Variants in ME3 observed in about 807,000 individuals in gnomAD.
The protein encoded by ME3 is malic enzyme 3.
A neutral mutation model predicts 68.9 loss-of-function variants in ME3; 48 were observed. The observed-to-expected ratio is 0.70, with a 90% CI of 0.55 to 0.89. ME3 has a LOEUF of 0.89. Among genes scored for constraint, ME3 ranks in the 40% least tolerant of loss-of-function variants. ME3 has a pLI of 0.00. For synonymous variants in ME3, 320 were observed against 318.8 expected, an observed-to-expected ratio of 1.00 and a Z score of -0.04; for missense variants, 675 against 797.4, an observed-to-expected ratio of 0.85 and a Z score of 1.85.
intron 2 of ME3, among the ~76,000 whole-genome samples, chr11:86,562,801 T>C (rs76602145): frequency 5.0e-3 from 767 of 151,990 alleles, no homozygotes; most frequent in Admixed American, 0.01. Flanking sequence ...GATATGTATG[T>C]TTTCAACCTC....
intron 8 of ME3, among the ~76,000 whole-genome samples, chr11:86,459,822 A>T (rs1950141606): frequency 6.6e-6 from 1 of 152,222 alleles, no homozygotes; most frequent in Admixed American, 6.5e-5. Context: ...AGGAGCCTTT[A>T]TGGGCGTCTG....
At chr11:86,473,895 G>A (rs527411394) in intron 7 of ME3, among the ~76,000 whole-genome samples, 1 of 152,298 alleles carries the variant, frequency 6.6e-6, no homozygotes, top group African/African-American at 2.4e-5. Context: ...TGTGGACAAG[G>A]ACTTAAGCAG....
chr11:86,529,537 T>A (rs1048403094), intron 4 of ME3, among the ~76,000 whole-genome samples: 1 of 152,146 alleles, frequency 6.6e-6, no homozygotes, highest in East Asian at 1.9e-4. Flanking sequence ...TACCAAAGCC[T>A]GGCAGAGACA....
intron 2 of ME3, among the ~76,000 whole-genome samples, chr11:86,632,076 A>C (rs890175714): frequency 2.6e-5 from 4 of 152,230 alleles, no homozygotes; most frequent in Non-Finnish European, 5.9e-5. Flanking sequence ...ACAGATGAAG[A>C]AACTGAGGCT....
At chr11:86,509,983 A>AT (rs1953396751) in intron 4 of ME3, among the ~76,000 whole-genome samples, 1 of 152,180 alleles carries the variant, frequency 6.6e-6, no homozygotes, top group South Asian at 2.1e-4. Context: ...TATGTAAGAA[A>AT]TTTTCCATAA....
At chr11:86,496,142 A>G (rs1001710627) in intron 6 of ME3, among the ~76,000 whole-genome samples, 2 of 152,122 alleles carry the variant, frequency 1.3e-5, no homozygotes, top group Non-Finnish European at 2.9e-5. Flanking sequence ...GCAGTGGCTC[A>G]AGTCTGCAAT....
chr11:86,545,927 C>G lies in ME3; in HGVS notation c.467+10626G>C, dbSNP rs974471788. On this transcript the variant is annotated intron_variant, in intron 4 of 14. Coordinates refer to ENST00000543262, the Ensembl canonical transcript of ME3. ...GACTTCAAATTATACTACAAGGCTT[C>G]AGTAACCAAAATAGCATGGTACTGG... is the stretch of plus-strand genomic sequence containing the variant. Among the ~76,000 whole-genome samples the G allele has an allele frequency of 9.8e-5, 15 of 152,310 alleles. 1 individual carries two copies. Among genetic ancestry groups the G allele is most frequent in the Admixed American group, 5.2e-4 (8 of 15,302 alleles).
At chr11:86,453,112 G>A (rs374264813) in intron 8 of ME3, among the ~76,000 whole-genome samples, 6 of 151,922 alleles carry the variant, frequency 3.9e-5, no homozygotes, top group East Asian at 3.9e-4. Flanking sequence ...AATTCTCCTG[G>A]CTCAGCCTCC....
intron 2 of ME3, among the ~76,000 whole-genome samples, chr11:86,569,704 C>A (rs1163339694): frequency 6.6e-6 from 1 of 152,160 alleles, no homozygotes; most frequent in African/African-American, 2.4e-5. Context: ...TTACACTCAT[C>A]GTGTCCTCTC....
intron 4 of ME3, among the ~76,000 whole-genome samples, chr11:86,546,681 G>T (rs1015124602): frequency 2.6e-5 from 4 of 152,182 alleles, no homozygotes; most frequent in African/African-American, 9.7e-5. Flanking sequence ...TGCTGGAGAG[G>T]ATATGGAGAA....
At chr11:86,465,018 C>T in intron 8 of ME3, 73 bp downstream of exon 8, 2 of 1,243,230 alleles carry the variant, frequency 1.6e-6, no homozygotes, top group South Asian at 1.2e-5. Context: ...TTTCCTCACC[C>T]CTTTGGCATC....
At chr11:86,543,773 C>T (rs1189030699) in intron 4 of ME3, among the ~76,000 whole-genome samples, 6 of 151,996 alleles carry the variant, frequency 3.9e-5, no homozygotes, top group Middle Eastern at 3.2e-3. Context: ...AAGGATATTC[C>T]GAACTTGAAC....
At chr11:86,638,481 T>C (rs1944477863) in intron 2 of ME3, among the ~76,000 whole-genome samples, 1 of 152,230 alleles carries the variant, frequency 6.6e-6, no homozygotes, top group South Asian at 2.1e-4. Flanking sequence ...GAACTTAATG[T>C]GTCTTTGTTA....
intron 8 of ME3, among the ~76,000 whole-genome samples, chr11:86,463,364 C>T (rs909625888): frequency 3.9e-5 from 6 of 152,228 alleles, no homozygotes; most frequent in African/African-American, 1.4e-4. Context: ...CGGTCAGGCT[C>T]TAGCAGGCAG....
At chr11:86,507,777 A>G (rs1276861439) in intron 5 of ME3, among the ~76,000 whole-genome samples, 1 of 152,104 alleles carries the variant, frequency 6.6e-6, no homozygotes, top group Non-Finnish European at 1.5e-5. Context: ...GGGCCCAGAA[A>G]TTCAGGACCA....
chr11:86,663,785 C>T (rs115444136), intron 2 of ME3, among the ~76,000 whole-genome samples: 5 of 152,134 alleles, frequency 3.3e-5, no homozygotes, highest in Non-Finnish European at 5.9e-5. Flanking sequence ...CAAAGGCCAA[C>T]ATAAATTGGA....
At chr11:86,520,265 T>C (rs1954174561) in intron 4 of ME3, among the ~76,000 whole-genome samples, 1 of 152,158 alleles carries the variant, frequency 6.6e-6, no homozygotes, top group South Asian at 2.1e-4. Flanking sequence ...CAGTGGGACC[T>C]CCCTGGAATG....
In ME3 at chr11:86,597,007, T is replaced by G. The variant is rs575017487; in HGVS notation, c.184-37184A>C. Among the ~76,000 whole-genome samples the G allele has an allele frequency of 3.3e-5, 5 of 152,270 alleles. No individual in the cohort carries two copies. In the South Asian group the frequency reaches 8.3e-4, roughly 25 times the overall value. On this transcript the variant is annotated intron_variant, in intron 2 of 14. Coordinates refer to ENST00000543262, the Ensembl canonical transcript of ME3. ...AACAGGCAGCTGGAAAAAGTCTGGC[T>G]GAGAAGTCCAGCAAAAGACAGAGGC... is the stretch of plus-strand genomic sequence containing the variant.
chr11:86,529,505 T>C (rs943099242), intron 4 of ME3, among the ~76,000 whole-genome samples: 1 of 152,182 alleles, frequency 6.6e-6, no homozygotes, highest in Non-Finnish European at 1.5e-5. Context: ...TAACTCATTT[T>C]ATGAGGCCAG....
Sources: allele counts gnomAD v4.1 joint callset (sites outside exome capture counted in the v4.1 genomes callset), GRCh38; gene constraint gnomAD v4.1.1; transcripts MANE v1.5; gene names NCBI Gene and HGNC (gene_info 2026-07-23, HGNC 2026-07-21).